Variants in CACNA2D3 observed in about 807,000 individuals in gnomAD.
CACNA2D3 encodes calcium voltage-gated channel auxiliary subunit alpha2delta 3, also known as voltage-dependent calcium channel subunit alpha-2/delta-3.
In CACNA2D3, 60 loss-of-function variants were observed where a neutral mutation model predicts 160.6. That is an observed-to-expected ratio of 0.37 (90% CI 0.30 to 0.46). CACNA2D3 has a LOEUF of 0.46. Among genes scored for constraint, CACNA2D3 ranks in the 20% least tolerant of loss-of-function variants. The probability of loss-of-function intolerance (pLI) is 1.00; values close to 1 mark genes in which losing one functional copy is unlikely to be tolerated. For synonymous variants in CACNA2D3, 558 were observed against 492.9 expected (o/e 1.13, Z -1.75); for missense variants, 1,205 against 1,365.0 (o/e 0.88, Z 1.85).
At chr3:54,622,583 GTTTT>G (rs34935973) in intron 9 of CACNA2D3, among the ~76,000 whole-genome samples, 1,901 of 83,456 alleles carry the variant, frequency 0.023, 48 homozygotes, top group African/African-American at 0.054. Context: ...CCAGTTTTTG[GTTTT>G]TTTTTTTTTT....
Position 54,562,785 on chromosome 3 carries a change from CTT to C in CACNA2D3, c.545-13_545-12del. The C allele has an allele frequency of 1.2e-6, 2 of 1,607,524 alleles. No homozygotes were observed. The highest frequency in any genetic ancestry group is 1.7e-6 in the Non-Finnish European group (2 of 1,175,244). On this transcript the variant is annotated splice_polypyrimidine_tract_variant and intron_variant, in intron 5 of 37. Coordinates refer to ENST00000474759, the MANE Select transcript of CACNA2D3 (RefSeq NM_018398.3). ...GTTTCTAATACACCCCTCTCTCTCT[CTT>C]TCTTTTTTACAGACCCTGCAATTGT...
At chr3:55,027,454 C>T (rs1703586807) in intron 35 of CACNA2D3, among the ~76,000 whole-genome samples, 1 of 152,148 alleles carries the variant, frequency 6.6e-6, no homozygotes, top group Non-Finnish European at 1.5e-5. Flanking sequence ...TGTTGTCTTA[C>T]TCTTCTTGAT....
chr3:54,649,102 T>A (rs1395088661), intron 11 of CACNA2D3, among the ~76,000 whole-genome samples: 1 of 152,196 alleles, frequency 6.6e-6, no homozygotes, highest in African/African-American at 2.4e-5. Flanking sequence ...CGAATACTCC[T>A]TTTCATGCTG....
intron 4 of CACNA2D3, among the ~76,000 whole-genome samples, chr3:54,496,713 C>A (rs924840763): frequency 6.6e-6 from 1 of 152,108 alleles, no homozygotes; most frequent in African/African-American, 2.4e-5. Context: ...CAACGCCTAC[C>A]TGGAGGCCAT....
Position 54,341,380 on chromosome 3 carries a change from C to T in CACNA2D3, c.321+20822C>T, listed in dbSNP as rs190008803. Among the ~76,000 whole-genome samples, 15 of 152,298 alleles carry T rather than the reference C, an allele frequency of 9.8e-5. No homozygotes were observed. In the South Asian group the frequency reaches 1.7e-3, roughly 17 times the overall value. ...AGGTTCCAAGCTATAGTGCCCATCA[C>T]CTCCCAGCTAGGTAACTTGGTGGAG... On this transcript the variant is annotated intron_variant, in intron 3 of 37. Coordinates refer to ENST00000474759, the MANE Select transcript of CACNA2D3 (RefSeq NM_018398.3).
At chr3:55,035,929 G>A (rs1303130115) in intron 35 of CACNA2D3, among the ~76,000 whole-genome samples, 2 of 152,180 alleles carry the variant, frequency 1.3e-5, no homozygotes, top group East Asian at 1.9e-4. Flanking sequence ...TAGCCCCAGT[G>A]ATGTAGATAA....
At chr3:54,946,659 A>C (rs1016139379) in intron 27 of CACNA2D3, among the ~76,000 whole-genome samples, 6 of 151,962 alleles carry the variant, frequency 3.9e-5, no homozygotes, top group African/African-American at 1.2e-4. Context: ...GCTGGGTGCA[A>C]ACCTGGGGGG....
chr3:54,792,278 G>A (rs997825053), intron 13 of CACNA2D3, among the ~76,000 whole-genome samples: 2 of 152,126 alleles, frequency 1.3e-5, no homozygotes, highest in Non-Finnish European at 2.9e-5. Flanking sequence ...GGATCAGGGA[G>A]CCCTCTCACT....
intron 2 of CACNA2D3, among the ~76,000 whole-genome samples, chr3:54,224,686 T>A (rs1213692425): frequency 6.6e-6 from 1 of 152,256 alleles, no homozygotes; most frequent in African/African-American, 2.4e-5. Context: ...TTTCGTGTTG[T>A]CATGTATGTC....
intron 10 of CACNA2D3, among the ~76,000 whole-genome samples, chr3:54,636,110 T>C (rs1205932284): frequency 6.6e-6 from 1 of 151,888 alleles, no homozygotes; most frequent in Non-Finnish European, 1.5e-5. Flanking sequence ...TGAGAAGTTA[T>C]TTCCTTGAGG....
intron 3 of CACNA2D3, among the ~76,000 whole-genome samples, chr3:54,370,356 T>A (rs1395384766): frequency 1.3e-5 from 2 of 152,234 alleles, no homozygotes; most frequent in African/African-American, 4.8e-5. Context: ...TAATATTTAT[T>A]TAGCGTTTCT....
intron 18 of CACNA2D3, among the ~76,000 whole-genome samples, chr3:54,872,538 C>T (rs1317063990): frequency 6.6e-6 from 1 of 152,150 alleles, no homozygotes; most frequent in Non-Finnish European, 1.5e-5. Flanking sequence ...TTGAGGAGAA[C>T]CATTTGAAAG....
chr3:54,221,116 A>G (rs565011316), intron 2 of CACNA2D3, among the ~76,000 whole-genome samples: 3 of 152,246 alleles, frequency 2.0e-5, no homozygotes, highest in East Asian at 1.9e-4. Flanking sequence ...CATTTTCACA[A>G]CCACCCCAAG....
chr3:54,796,612 G>A (rs1481857024), intron 13 of CACNA2D3, among the ~76,000 whole-genome samples: 1 of 152,164 alleles, frequency 6.6e-6, no homozygotes, highest in East Asian at 1.9e-4. Context: ...TAGAATCACA[G>A]CATTCTTCAC....
chr3:54,126,631 G>A (rs1039824828), intron 2 of CACNA2D3, among the ~76,000 whole-genome samples: 1 of 152,140 alleles, frequency 6.6e-6, no homozygotes, highest in Non-Finnish European at 1.5e-5. Flanking sequence ...CATCTTTTAG[G>A]AAATTTGTCT....
intron 2 of CACNA2D3, among the ~76,000 whole-genome samples, chr3:54,246,700 G>C (rs1040961454): frequency 6.6e-6 from 1 of 150,620 alleles, no homozygotes; most frequent in African/African-American, 2.5e-5. Context: ...CTCCAGCCTG[G>C]GCAACAGGAG....
chr3:54,506,963 C>T (rs540878706), intron 5 of CACNA2D3, among the ~76,000 whole-genome samples: 31 of 152,224 alleles, frequency 2.0e-4, no homozygotes, highest in East Asian at 7.7e-4. Flanking sequence ...AAAGTTTATA[C>T]GTATATATAC....
intron 3 of CACNA2D3, among the ~76,000 whole-genome samples, chr3:54,361,852 C>T (rs1698748844): frequency 6.6e-6 from 1 of 152,194 alleles, no homozygotes; most frequent in Non-Finnish European, 1.5e-5. Context: ...CAGGCAGCTC[C>T]TTCTCTGAGG....
chr3:54,766,745 C>T (rs1342113610), intron 13 of CACNA2D3, among the ~76,000 whole-genome samples: 1 of 151,690 alleles, frequency 6.6e-6, no homozygotes, highest in Non-Finnish European at 1.5e-5. Context: ...CTAATGGAGT[C>T]AATATTAAAA....
Sources: allele counts gnomAD v4.1 joint callset (sites outside exome capture counted in the v4.1 genomes callset), GRCh38; gene constraint gnomAD v4.1.1; transcripts MANE v1.5; gene names NCBI Gene and HGNC (gene_info 2026-07-23, HGNC 2026-07-21).